AUTS2: variants seen among roughly 807,000 people sequenced by gnomAD.
The protein encoded by AUTS2 is autism susceptibility gene 2 protein.
In AUTS2, 17 loss-of-function variants were observed where a neutral mutation model predicts 112.4. That is an observed-to-expected ratio of 0.15 (90% CI 0.10 to 0.23). The LOEUF is 0.23. Among genes scored for constraint, AUTS2 ranks in the 10% least tolerant of loss-of-function variants. AUTS2 has a pLI of 1.00. For synonymous variants in AUTS2, 751 were observed against 702.7 expected, an observed-to-expected ratio of 1.07 and a Z score of -1.09; for missense variants, 1,510 against 1,701.6, an observed-to-expected ratio of 0.89 and a Z score of 1.98.
At chr7:70,223,340 G>A (rs567885406) in intron 4 of AUTS2, among the ~76,000 whole-genome samples, 5 of 152,200 alleles carry the variant, frequency 3.3e-5, no homozygotes, top group East Asian at 3.9e-4. Flanking sequence ...GCCATGTGCC[G>A]TATAGTGATG....
rs565338656 is a variant in AUTS2, at chr7:70,643,167, A to T, written c.691-55402A>T. ...TGATGGCTCTCGCCACTTTTGCATG[A>T]CAATGATACTGGACTATGTCTCCAT... On this transcript the variant is annotated intron_variant, in intron 5 of 18. Transcript: ENST00000342771. Among the ~76,000 whole-genome samples, 6 of 152,360 alleles carry T rather than the reference A, an allele frequency of 3.9e-5. No individual in the cohort carries two copies. The South Asian group carries it at 1.0e-3, about 26-fold the overall frequency.
intron 5 of AUTS2, among the ~76,000 whole-genome samples, chr7:70,538,445 G>A (rs556360532): frequency 3.9e-5 from 6 of 152,152 alleles, no homozygotes; most frequent in Non-Finnish European, 8.8e-5. Context: ...CAGGAGCATC[G>A]CTTGAACCCA....
intron 4 of AUTS2, among the ~76,000 whole-genome samples, chr7:70,424,593 G>C (rs1012836868): frequency 1.3e-5 from 2 of 151,828 alleles, no homozygotes; most frequent in African/African-American, 4.8e-5. Context: ...TTGTTTCTTT[G>C]TTTGTTTGTT....
intron 4 of AUTS2, among the ~76,000 whole-genome samples, chr7:70,313,480 A>G (rs780557908): frequency 1.3e-5 from 2 of 152,228 alleles, no homozygotes; most frequent in Non-Finnish European, 2.9e-5. Context: ...CATGCTCCCC[A>G]TGACTACGAT....
chr7:70,239,939 G>A (rs1278544285), intron 4 of AUTS2, among the ~76,000 whole-genome samples: 1 of 152,166 alleles, frequency 6.6e-6, no homozygotes, highest in Non-Finnish European at 1.5e-5. Context: ...ATATTTAGAG[G>A]TCCTGTGGTT....
At chr7:70,186,824 C>T (rs1337384170) in intron 4 of AUTS2, among the ~76,000 whole-genome samples, 1 of 152,188 alleles carries the variant, frequency 6.6e-6, no homozygotes, top group Non-Finnish European at 1.5e-5. Flanking sequence ...CTGCCTCAGC[C>T]TCCCAAAGTG....
chr7:70,707,771 G>A (rs974924444), intron 6 of AUTS2, among the ~76,000 whole-genome samples: 5 of 152,104 alleles, frequency 3.3e-5, no homozygotes, highest in African/African-American at 1.2e-4. Context: ...CAGTTTCCTC[G>A]CTCTTCCATG....
chr7:70,743,330 G>A (rs1436234626), intron 6 of AUTS2, among the ~76,000 whole-genome samples: 2 of 151,964 alleles, frequency 1.3e-5, no homozygotes, highest in African/African-American at 2.4e-5. Flanking sequence ...TTAGCCGGGC[G>A]TGGTGACACG....
chr7:70,142,899 C>T (rs552272152), intron 4 of AUTS2, among the ~76,000 whole-genome samples: 2 of 152,214 alleles, frequency 1.3e-5, no homozygotes, highest in African/African-American at 4.8e-5. Flanking sequence ...TGTAAAATGA[C>T]CCACAGGCAA....
intron 4 of AUTS2, among the ~76,000 whole-genome samples, chr7:70,303,430 G>GCACACACACACA (rs1171296742): frequency 1.5e-4 from 16 of 109,948 alleles, no homozygotes; most frequent in African/African-American, 5.8e-4. Flanking sequence ...ACACGCGCGC[G>GCACACACACACA]CGCGCACATA....
chr7:69,899,540 CCCTT>C (rs1453995350), intron 2 of AUTS2, 42 bp downstream of exon 2: 14 of 1,591,312 alleles, frequency 8.8e-6, no homozygotes, highest in Non-Finnish European at 1.2e-5. Context: ...GCGGCAAAAT[CCCTT>C]CCTTAGGTGC....
intron 1 of AUTS2, among the ~76,000 whole-genome samples, chr7:69,858,298 G>A (rs1792825521): frequency 6.6e-6 from 1 of 152,126 alleles, no homozygotes; most frequent in African/African-American, 2.4e-5. Flanking sequence ...AGTGCCTTGG[G>A]GTTATTAATA....
At chr7:70,652,543 T>C (rs1242204532) in intron 5 of AUTS2, among the ~76,000 whole-genome samples, 1 of 152,126 alleles carries the variant, frequency 6.6e-6, no homozygotes. Flanking sequence ...ACATCCCCAG[T>C]TGGAAAATGT....
chr7:70,227,149 T>C (rs1811808208), intron 4 of AUTS2, among the ~76,000 whole-genome samples: 1 of 152,110 alleles, frequency 6.6e-6, no homozygotes, highest in South Asian at 2.1e-4. Flanking sequence ...TTTAATACAG[T>C]CTTATATGTG....
intron 4 of AUTS2, among the ~76,000 whole-genome samples, chr7:70,411,094 A>T (rs182760414): frequency 7.2e-5 from 11 of 152,094 alleles, no homozygotes; most frequent in Admixed American, 7.2e-4. Flanking sequence ...CGAACTCCTG[A>T]CCTCAGGTGA....
chr7:70,536,532 T>G (rs1043673079), intron 5 of AUTS2, among the ~76,000 whole-genome samples: 4 of 149,718 alleles, frequency 2.7e-5, no homozygotes, highest in Non-Finnish European at 3.0e-5. Context: ...GATTCAATGA[T>G]CTGATGATCC....
intron 4 of AUTS2, among the ~76,000 whole-genome samples, chr7:70,270,015 G>A (rs1374898013): frequency 6.6e-6 from 1 of 152,106 alleles, no homozygotes; most frequent in Non-Finnish European, 1.5e-5. Context: ...CTCCAGCTTA[G>A]GTGACAGAGC....
At chr7:70,496,947 C>CA (rs1325132027) in intron 5 of AUTS2, among the ~76,000 whole-genome samples, 3 of 137,266 alleles carry the variant, frequency 2.2e-5, no homozygotes, top group South Asian at 2.5e-4. Flanking sequence ...CACGCACACC[C>CA]CACACATGCA....
rs59781047 is a variant in AUTS2 at position 70,553,926 on chromosome 7, C to T, written c.690+118145C>T. ...GGGATTACAGGCACGCGCCACCACA[C>T]CCAACTCATTTTTTTTTGTATTTTT... On this transcript the variant is annotated intron_variant, in intron 5 of 18. Coordinates refer to ENST00000342771, the MANE Select transcript of AUTS2 (RefSeq NM_015570.4). 4.6e-5 allele frequency among the ~76,000 whole-genome samples: 7 copies of T among 151,034 alleles called. No homozygotes were observed. The East Asian group carries it at 1.4e-3, about 30-fold the overall frequency.
Sources: gnomAD v4.1 joint callset for allele counts (sites outside exome capture counted in the v4.1 genomes callset) on GRCh38, gnomAD v4.1.1 for gene constraint, MANE v1.5 for transcripts, NCBI Gene and HGNC (gene_info 2026-07-23, HGNC 2026-07-21) for gene names.